The following NAV3 variants were observed in gnomAD, a reference collection of about 807,000 sequenced individuals.
NAV3 encodes neuron navigator 3.
In NAV3, 87 loss-of-function variants were observed where a neutral mutation model predicts 244.7. The ratio of observed to expected loss-of-function variants is 0.36; its 90% CI spans 0.30 to 0.42. NAV3 has a LOEUF of 0.42. NAV3 is among the 20% of genes least tolerant of loss of function. The pLI is 1.00. For synonymous variants in NAV3, 1,126 were observed against 1,042.2 expected, an observed-to-expected ratio of 1.08 and a Z score of -1.55; for missense variants, 2,663 against 2,893.3, an observed-to-expected ratio of 0.92 and a Z score of 1.83.
intron 1 of NAV3, among the ~76,000 whole-genome samples, chr12:77,916,896 A>G (rs796622232): frequency 8.5e-5 from 13 of 152,138 alleles, no homozygotes; most frequent in African/African-American, 2.4e-4. Context: ...TACCAAATAC[A>G]TAGAAGATAG....
At chr12:78,090,954 CTGTGTGTGTGTGTGTGTGTG>C (rs10581059) in intron 12 of NAV3, among the ~76,000 whole-genome samples, 42 of 142,656 alleles carry the variant, frequency 2.9e-4, no homozygotes, top group Middle Eastern at 7.2e-3. Flanking sequence ...GTGCTGTATT[CTGTGTGTGTGTGTGTGTGTG>C]TGTGTGTGTG....
In NAV3 at chr12:77,998,476, G is replaced by A. The variant is rs1294312017; in HGVS notation, c.880G>A (p.Asp294Asn). The change falls in exon 7 of 40, where the codon GAT becomes AAT. Residue 294 changes from aspartate (D) to asparagine (N), a missense_variant and splice_region_variant. By Grantham distance (23) the Asp-to-Asn change is conservative. This residue lies in a region of NAV3 where 1,521 missense variants were observed against 1,497.0 expected (regional missense o/e 1.02). Coordinates refer to ENST00000397909, the MANE Select transcript of NAV3 (RefSeq NM_001024383.2). ...AAATTATGCAAATGGAAACGAAAAAGGTAAGTGTTTGTTACATCATTATGA... is the reference window on the plus strand; with the variant it reads ...AAATTATGCAAATGGAAACGAAAAAAGTAAGTGTTTGTTACATCATTATGA... Reference protein sequence around the residue: ...PPNYANGNEKDSSKGPQSSSG... With the variant: ...PPNYANGNEKNSSKGPQSSSG... 1 of 1,600,476 alleles carries A rather than the reference G, an allele frequency of 6.2e-7. No homozygotes were observed. Among genetic ancestry groups the A allele is most frequent in the South Asian group, 1.1e-5 (1 of 88,650 alleles).
chr12:77,886,222 C>T (rs1883272322), intron 1 of NAV3, among the ~76,000 whole-genome samples: 1 of 152,118 alleles, frequency 6.6e-6, no homozygotes, highest in African/African-American at 2.4e-5. Flanking sequence ...ACTACCATGA[C>T]CTGGTCCTGC....
At chr12:78,055,600 T>C (rs565371923) in intron 11 of NAV3, among the ~76,000 whole-genome samples, 45 of 152,304 alleles carry the variant, frequency 3.0e-4, no homozygotes, top group African/African-American at 5.5e-4. Context: ...GAGAATAAGA[T>C]GGATGGTAAT....
At chr12:77,834,642 A>G (rs1222464022) in intron 1 of NAV3, among the ~76,000 whole-genome samples, 2 of 152,190 alleles carry the variant, frequency 1.3e-5, no homozygotes, top group Non-Finnish European at 2.9e-5. Context: ...TTTGAGCACT[A>G]TAAGCACTGT....
At chr12:77,675,257 A>G (rs935373146) in intron 2 of NAV3, among the ~76,000 whole-genome samples, 1 of 152,206 alleles carries the variant, frequency 6.6e-6, no homozygotes, top group Non-Finnish European at 1.5e-5. Flanking sequence ...TAGGAGATAT[A>G]TATTAAGAGA....
At chr12:77,969,458 C>A (rs1403057136) in intron 5 of NAV3, among the ~76,000 whole-genome samples, 1 of 152,076 alleles carries the variant, frequency 6.6e-6, no homozygotes, top group Non-Finnish European at 1.5e-5. Context: ...GGCAGCCCAG[C>A]TGGAAGGGCA....
intron 2 of NAV3, among the ~76,000 whole-genome samples, chr12:77,825,288 C>T (rs1384046926): frequency 2.6e-5 from 4 of 151,780 alleles, no homozygotes; most frequent in Admixed American, 2.6e-4. Context: ...AAGAAGAGCA[C>T]CAGAAATGGA....
chr12:77,777,025 A>T (rs917858679), intron 2 of NAV3, among the ~76,000 whole-genome samples: 1 of 152,240 alleles, frequency 6.6e-6, no homozygotes, highest in Non-Finnish European at 1.5e-5. Context: ...ACTTAAAATG[A>T]TGTTTCAAAA....
rs763465366 is a variant in NAV3 at position 77,994,851 on chromosome 12, C to T, written c.720C>T (p.Thr240=). 6.2e-7 allele frequency: 1 copy of T among 1,607,938 alleles called. No homozygotes were observed. Among genetic ancestry groups the T allele is most frequent in the Non-Finnish European group, 8.5e-7 (1 of 1,176,690 alleles). The change falls in exon 6 of 40, where the codon ACC becomes ACT. Residue 240 remains threonine (T), a synonymous_variant. Transcript: ENST00000397909. ...ATQSNHSGIA[T]SQKKPTRLPG... is the part of the protein sequence containing the mutation. ...AGTCTAATCACAGTGGAATTGCAACCAGTCAAAAAAAGCCTACTAGGTCAG... is the reference window on the plus strand; with the variant it reads ...AGTCTAATCACAGTGGAATTGCAACTAGTCAAAAAAAGCCTACTAGGTCAG...
At chr12:77,659,704 C>G (rs1873334506) in intron 2 of NAV3, among the ~76,000 whole-genome samples, 1 of 152,068 alleles carries the variant, frequency 6.6e-6, no homozygotes, top group Non-Finnish European at 1.5e-5. Flanking sequence ...AGACTTGGAA[C>G]CAATCCAAAT....
In NAV3 at chr12:78,086,697, A is replaced by G. The variant is rs1483193361; in HGVS notation, c.2636+27582A>G. 2.0e-5 allele frequency among the ~76,000 whole-genome samples: 3 copies of G among 152,194 alleles called. No homozygotes were observed. In the East Asian group the frequency reaches 5.8e-4, roughly 29 times the overall value. ...ACTTTGCCAACCTTGGAAGTTGGCT[A>G]GAATTAAAGACTTGGAAAGATATAG... On this transcript the variant is annotated intron_variant, in intron 12 of 39. Transcript: ENST00000397909.
At chr12:78,087,463 C>A (rs1227983940) in intron 12 of NAV3, among the ~76,000 whole-genome samples, 2 of 151,874 alleles carry the variant, frequency 1.3e-5, no homozygotes, top group African/African-American at 4.8e-5. Context: ...ACCAAAGTAA[C>A]CACCCTGGAA....
chr12:78,186,585 A>G (rs935104506), intron 31 of NAV3, among the ~76,000 whole-genome samples: 8 of 151,904 alleles, frequency 5.3e-5, no homozygotes, highest in South Asian at 4.1e-4. Context: ...GCTTTTTATA[A>G]GGTATTGCAT....
At chr12:78,006,074 G>A (rs982225694) in intron 7 of NAV3, among the ~76,000 whole-genome samples, 1 of 152,176 alleles carries the variant, frequency 6.6e-6, no homozygotes, top group African/African-American at 2.4e-5. Flanking sequence ...GGCTACAGTG[G>A]TGGTTGGAAA....
At chr12:77,923,021 A>G (rs774678195) in intron 1 of NAV3, among the ~76,000 whole-genome samples, 1 of 152,020 alleles carries the variant, frequency 6.6e-6, no homozygotes, top group Non-Finnish European at 1.5e-5. Context: ...CTCTACAAGT[A>G]TCACGATTTT....
At position 77,656,682 on chromosome 12, in the gene NAV3, T is replaced by A. The variant is rs1873122400; in HGVS notation, c.72+84416T>A. On this transcript the variant is annotated intron_variant, in intron 2 of 8. Transcript: ENST00000550042. The stretch of plus-strand genomic sequence containing the variant: ...TTTTTTCAGCACCCCACCACACCTA[T>A]TCCAAAATTGACCACATAGTTGGAA... Among the ~76,000 whole-genome samples, 3 of 145,884 alleles carry A rather than the reference T, an allele frequency of 2.1e-5. No homozygotes were observed. In the South Asian group the frequency reaches 6.5e-4, roughly 32 times the overall value.
At chr12:78,156,772 G>A (rs532804621) in intron 22 of NAV3, among the ~76,000 whole-genome samples, 12 of 152,032 alleles carry the variant, frequency 7.9e-5, no homozygotes, top group Non-Finnish European at 1.8e-4. Flanking sequence ...CCAATTTTAT[G>A]GGCATAGTGG....
intron 2 of NAV3, among the ~76,000 whole-genome samples, chr12:77,812,082 G>A (rs563212185): frequency 6.6e-6 from 1 of 152,160 alleles, no homozygotes; most frequent in African/African-American, 2.4e-5. Context: ...AGTGAGATGT[G>A]CTCTATTTTT....
Sources: allele counts gnomAD v4.1 joint callset (sites outside exome capture counted in the v4.1 genomes callset), GRCh38; gene constraint gnomAD v4.1.1; regional missense constraint gnomAD v4.1.1; transcripts MANE v1.5; gene names NCBI Gene and HGNC (gene_info 2026-07-23, HGNC 2026-07-21).